Variants in MBD2 observed in about 807,000 individuals in gnomAD.
The protein encoded by MBD2 is methyl-CpG binding domain protein 2.
Under a neutral mutation model 39.3 loss-of-function variants are expected in MBD2, and 9 were observed. That is an observed-to-expected ratio of 0.23 (90% CI 0.14 to 0.40). The LOEUF (loss-of-function observed/expected upper bound fraction) is 0.40, where lower values mean the gene tolerates loss of function less well. Ranked by LOEUF, MBD2 falls within the 10% of genes least tolerant of loss-of-function variation. MBD2 has a pLI of 1.00. For synonymous variants in MBD2, 233 were observed against 211.1 expected, an observed-to-expected ratio of 1.10 and a Z score of -0.90; for missense variants, 458 against 532.6, an observed-to-expected ratio of 0.86 and a Z score of 1.38.
At chr18:54,195,721 GA>G (rs1163284501) in intron 2 of MBD2, among the ~76,000 whole-genome samples, 1 of 151,756 alleles carries the variant, frequency 6.6e-6, no homozygotes, top group Admixed American at 6.6e-5. Flanking sequence ...TAAAAAAAAA[GA>G]AAAAAACCAG....
At position 54,210,360 on chromosome 18, in the gene MBD2, A is replaced by C. The variant is rs371338879; in HGVS notation, c.543-5203T>G. The stretch of plus-strand genomic sequence containing the variant: ...ATTACGCTCACTTTAATTTAGTGGT[A>C]CTCATATTTTGTCGCACTGTGAACT... On this transcript the variant is annotated intron_variant, in intron 1 of 6. Transcript: ENST00000256429. Among the ~76,000 whole-genome samples, 6 of 152,340 alleles carry C rather than the reference A, an allele frequency of 3.9e-5. No homozygotes were observed. The South Asian group carries it at 8.3e-4, about 21-fold the overall frequency.
chr18:54,209,995 T>C (rs1265994465), intron 1 of MBD2, among the ~76,000 whole-genome samples: 4 of 152,198 alleles, frequency 2.6e-5, no homozygotes, highest in Non-Finnish European at 4.4e-5. Flanking sequence ...TCAAAAACTC[T>C]AGAAGACTGA....
intron 1 of MBD2, chr18:54,222,243 TC>T (rs1226018856): frequency 2.4e-6 from 1 of 415,306 alleles, no homozygotes; most frequent in Non-Finnish European, 4.8e-6. Flanking sequence ...AGAAAACTAA[TC>T]TTTTTTTAAC....
At chr18:54,182,796 G>A (rs921642518) in intron 3 of MBD2, among the ~76,000 whole-genome samples, 1 of 152,096 alleles carries the variant, frequency 6.6e-6, no homozygotes, top group African/African-American at 2.4e-5. Flanking sequence ...GCCAGGCATG[G>A]TGGTGTGCAC....
intron 3 of MBD2, among the ~76,000 whole-genome samples, chr18:54,176,117 G>C (rs1008022878): frequency 6.6e-6 from 1 of 152,200 alleles, no homozygotes; most frequent in Non-Finnish European, 1.5e-5. Context: ...TCTGTCAAGA[G>C]CATGATGCTA....
intron 2 of MBD2, among the ~76,000 whole-genome samples, chr18:54,195,774 C>G (rs148212862): frequency 9.9e-5 from 15 of 152,134 alleles, no homozygotes; most frequent in African/African-American, 2.9e-4. Context: ...CATGTTGGTA[C>G]AAATTCTAAA....
chr18:54,171,258 G>A (rs1040718263), intron 3 of MBD2, among the ~76,000 whole-genome samples: 6 of 151,984 alleles, frequency 3.9e-5, no homozygotes, highest in Non-Finnish European at 4.4e-5. Flanking sequence ...AAAATTAGCT[G>A]GGCGTGGTGG....
intron 3 of MBD2, among the ~76,000 whole-genome samples, chr18:54,177,779 C>T (rs1380703423): frequency 6.6e-6 from 1 of 151,520 alleles, no homozygotes; most frequent in Non-Finnish European, 1.5e-5. Context: ...TAAATTAATT[C>T]CTATTCTTTC....
intron 2 of MBD2, among the ~76,000 whole-genome samples, chr18:54,200,941 G>A (rs921225478): frequency 1.6e-4 from 24 of 152,094 alleles, no homozygotes; most frequent in Non-Finnish European, 2.6e-4. Context: ...TTAGCTGGGC[G>A]TGGTGGCGGG....
intron 3 of MBD2, among the ~76,000 whole-genome samples, chr18:54,167,218 C>T (rs2086140578): frequency 6.6e-6 from 1 of 152,206 alleles, no homozygotes. Flanking sequence ...ATGGGAGCAA[C>T]TGGACTCAGC....
rs2086642333 is a variant in MBD2, at chr18:54,224,269, G to C, written c.291C>G (p.Pro97=). The change falls in exon 1 of 7, where the codon CCC becomes CCG. Residue 97 remains proline, a synonymous_variant. Transcript: ENST00000256429. The part of the protein sequence containing the change: ...GRGRGRGRGR[P]PSGGSGLGGD... Reference sequence around the variant, plus strand: ...CGCCAAGGCCGCTGCCGCCACTCGGGGGACGGCCGCGGCCCCGGCCCCGGC... The same window carrying C: ...CGCCAAGGCCGCTGCCGCCACTCGGCGGACGGCCGCGGCCCCGGCCCCGGC... 2 of 956,870 alleles carry C rather than the reference G, an allele frequency of 2.1e-6. No individual in the cohort carries two copies. Among genetic ancestry groups the C allele is most frequent in the Non-Finnish European group, 2.5e-6 (2 of 807,256 alleles). The allele number at this position is 956,870 out of a possible 1,614,324, so 59.3% of individuals were successfully genotyped here.
intron 2 of MBD2, among the ~76,000 whole-genome samples, chr18:54,192,446 T>A (rs1030389069): frequency 1.3e-5 from 2 of 152,116 alleles, no homozygotes. Flanking sequence ...TTGGCCAGCA[T>A]GGTCTCGATC....
At chr18:54,185,559 C>T (rs2064221989) in intron 3 of MBD2, among the ~76,000 whole-genome samples, 1 of 152,084 alleles carries the variant, frequency 6.6e-6, no homozygotes, top group Admixed American at 6.5e-5. Flanking sequence ...AATGGTAGTT[C>T]TTCACATTAT....
chr18:54,222,206 CG>C, intron 1 of MBD2: 2 of 337,486 alleles, frequency 5.9e-6, no homozygotes, highest in South Asian at 4.6e-5. Flanking sequence ...CAATTGTGAA[CG>C]GCACTAAATG....
At chr18:54,211,735 T>C (rs1165571079) in intron 1 of MBD2, among the ~76,000 whole-genome samples, 1 of 152,226 alleles carries the variant, frequency 6.6e-6, no homozygotes, top group Non-Finnish European at 1.5e-5. Context: ...ACTATCCACA[T>C]AGCCCTTCCT....
chr18:54,190,576 G>A (rs953920832), intron 2 of MBD2, among the ~76,000 whole-genome samples: 5 of 152,164 alleles, frequency 3.3e-5, no homozygotes, highest in African/African-American at 1.2e-4. Context: ...TGTGTGGAGA[G>A]CTCACGTTAA....
chr18:54,205,959 C>G (rs1485179694), intron 1 of MBD2, among the ~76,000 whole-genome samples: 3 of 115,608 alleles, frequency 2.6e-5, no homozygotes, highest in African/African-American at 1.3e-4. Context: ...CACACACATA[C>G]ACACACACAC....
intron 1 of MBD2, among the ~76,000 whole-genome samples, chr18:54,217,722 A>G (rs2086573159): frequency 1.3e-5 from 2 of 152,246 alleles, no homozygotes; most frequent in Non-Finnish European, 2.9e-5. Context: ...AAATTTTTAA[A>G]AGCAATGTGA....
chr18:54,214,372 ATT>A (rs1568094245), intron 1 of MBD2, among the ~76,000 whole-genome samples: 1 of 151,320 alleles, frequency 6.6e-6, no homozygotes, highest in Admixed American at 6.6e-5. Flanking sequence ...ATTTTTAAAA[ATT>A]TTTTGTAGGG....
Sources: gnomAD v4.1 joint callset for allele counts (sites outside exome capture counted in the v4.1 genomes callset) on GRCh38, gnomAD v4.1.1 for gene constraint, MANE v1.5 for transcripts, NCBI Gene and HGNC (gene_info 2026-07-23, HGNC 2026-07-21) for gene names.